ABCA13: variants seen among roughly 807,000 people sequenced by gnomAD.
ABCA13 encodes ATP binding cassette subfamily A member 13.
In ABCA13, 476 loss-of-function variants were observed where a neutral mutation model predicts 478.7. That is an observed-to-expected ratio of 0.99 (90% confidence interval 0.92 to 1.07). ABCA13 has a LOEUF of 1.07. ABCA13 is among the 50% of genes least tolerant of loss of function. ABCA13 has a pLI of 0.00. For missense variants in ABCA13, 6,060 were observed against 5,910.6 expected, an observed-to-expected ratio of 1.03 and a Z score of -0.83; for synonymous variants, 2,252 against 2,158.9, an observed-to-expected ratio of 1.04 and a Z score of -1.20.
chr7:48,589,671 T>C (rs912313556), intron 57 of ABCA13, among the ~76,000 whole-genome samples: 3 of 152,176 alleles, frequency 2.0e-5, no homozygotes, highest in Non-Finnish European at 4.4e-5. Context: ...TATAACAGAC[T>C]GGATAATTTA....
At chr7:48,492,487 A>G (rs1051383934) in intron 48 of ABCA13, among the ~76,000 whole-genome samples, 3 of 152,178 alleles carry the variant, frequency 2.0e-5, no homozygotes, top group Middle Eastern at 3.4e-3. Context: ...TTTCCCAGAC[A>G]CTGTGTTAGG....
intron 33 of ABCA13, among the ~76,000 whole-genome samples, chr7:48,373,257 C>T (rs989275172): frequency 2.6e-5 from 4 of 152,112 alleles, no homozygotes; most frequent in Admixed American, 6.5e-5. Context: ...ACCTAGATTA[C>T]GGGGCTGCTC....
intron 46 of ABCA13, among the ~76,000 whole-genome samples, chr7:48,481,542 T>G (rs1432750442): frequency 1.7e-5 from 2 of 120,610 alleles, no homozygotes; most frequent in Non-Finnish European, 3.6e-5. Context: ...CAGAAGCTGT[T>G]TTACTGCTTT....
chr7:48,317,213 G>A lies in ABCA13; in HGVS notation c.9916G>A (p.Val3306Met), dbSNP rs1194736308. Reference sequence around the variant, plus strand: ...TCTACAATTGCCAAATGGTGCTTTGGTGTGGACCTTCCTAAAACCCATATT... The same window carrying A: ...TCTACAATTGCCAAATGGTGCTTTGATGTGGACCTTCCTAAAACCCATATT... ...EILQLPNGAL[V>M]WTFLKPILHG... Residue 3306 changes from valine (V) to methionine (M), a missense_variant, in exon 27 of 62, where the codon GTG (valine) becomes ATG (methionine). Transcript: ENST00000435803. The A allele has an allele frequency of 8.7e-6, 14 of 1,613,476 alleles. No individual in the cohort carries two copies. Among genetic ancestry groups the A allele is most frequent in the Non-Finnish European group, 1.1e-5 (13 of 1,179,794 alleles).
chr7:48,446,529 C>T (rs1223561259), intron 42 of ABCA13, among the ~76,000 whole-genome samples: 4 of 152,072 alleles, frequency 2.6e-5, no homozygotes, highest in Non-Finnish European at 5.9e-5. Flanking sequence ...CTCTGTATTT[C>T]ATTTCTAATT....
At chr7:48,461,176 G>C (rs571241638) in intron 43 of ABCA13, among the ~76,000 whole-genome samples, 1 of 152,254 alleles carries the variant, frequency 6.6e-6, no homozygotes, top group South Asian at 2.1e-4. Context: ...GCTTTTGAGC[G>C]GGATGGAGAG....
chr7:48,217,793 T>C (rs984690783), intron 3 of ABCA13, among the ~76,000 whole-genome samples: 2 of 152,140 alleles, frequency 1.3e-5, no homozygotes, highest in Admixed American at 6.5e-5. Context: ...GCTGGGAAAG[T>C]TCAGTCATCT....
chr7:48,640,755 T>TATTA, intron 59 of ABCA13, among the ~76,000 whole-genome samples: 1 of 152,318 alleles, frequency 6.6e-6, no homozygotes, highest in South Asian at 2.1e-4. Context: ...GTCAAGCTAA[T>TATTA]ATTAATTAGA....
rs559011150 is a variant in ABCA13, at chr7:48,451,258, C to G, written c.12566-3779C>G. 3.2e-4 allele frequency among the ~76,000 whole-genome samples: 49 copies of G among 152,224 alleles called. 1 individual carries two copies. The South Asian group carries it at 9.3e-3, about 29-fold the overall frequency. ...GGTAATCTGCTCCACCTTGGCCTCC[C>G]AAAGTGCTGGGATTATAGGTGTGAG... On this transcript the variant is annotated intron_variant, in intron 42 of 61. Transcript: ENST00000435803.
At chr7:48,445,835 T>TA (rs1824225318) in intron 42 of ABCA13, among the ~76,000 whole-genome samples, 1 of 152,130 alleles carries the variant, frequency 6.6e-6, no homozygotes, top group Non-Finnish European at 1.5e-5. Flanking sequence ...AAACCTGGAA[T>TA]ATAGGTTTCT....
chr7:48,506,112 A>C (rs993509377), intron 48 of ABCA13, among the ~76,000 whole-genome samples: 1 of 152,214 alleles, frequency 6.6e-6, no homozygotes, highest in Non-Finnish European at 1.5e-5. Flanking sequence ...TGAACAATTC[A>C]TGCTGGTTAT....
chr7:48,491,894 G>A (rs1829873321), intron 48 of ABCA13, among the ~76,000 whole-genome samples: 1 of 152,154 alleles, frequency 6.6e-6, no homozygotes. Flanking sequence ...GAAAACAGAA[G>A]CTGTGTCTTG....
intron 42 of ABCA13, among the ~76,000 whole-genome samples, chr7:48,431,837 C>T (rs7357104): frequency 0.3 from 45,234 of 151,946 alleles, 6,814 homozygotes; most frequent in East Asian, 0.37. Context: ...TTTGTGAAAC[C>T]TTCTTAGGTT....
chr7:48,583,424 G>C (rs1396594050), intron 56 of ABCA13, among the ~76,000 whole-genome samples: 1 of 152,142 alleles, frequency 6.6e-6, no homozygotes, highest in African/African-American at 2.4e-5. Context: ...TGGCCATTAT[G>C]TGTGCTAGTG....
intron 3 of ABCA13, among the ~76,000 whole-genome samples, chr7:48,203,614 T>C (rs1235886835): frequency 6.9e-6 from 1 of 144,668 alleles, no homozygotes; most frequent in Admixed American, 6.8e-5. Context: ...TTCCCCTTCA[T>C]TTTAACAAGA....
intron 39 of ABCA13, among the ~76,000 whole-genome samples, chr7:48,407,902 G>A (rs1038390519): frequency 6.6e-6 from 1 of 152,094 alleles, no homozygotes; most frequent in Non-Finnish European, 1.5e-5. Flanking sequence ...GTATATGGGA[G>A]GATGTACTTA....
chr7:48,335,254 C>G (rs552368963), intron 27 of ABCA13, among the ~76,000 whole-genome samples, 168 bp from the exon 28 acceptor site: 1 of 152,166 alleles, frequency 6.6e-6, no homozygotes, highest in Non-Finnish European at 1.5e-5. Context: ...AGAGGACTCA[C>G]CTGTGATGTG....
intron 59 of ABCA13, among the ~76,000 whole-genome samples, chr7:48,622,773 A>G (rs1793268467): frequency 6.6e-6 from 1 of 152,202 alleles, no homozygotes; most frequent in South Asian, 2.1e-4. Flanking sequence ...TGCTTTATAC[A>G]CATGAATCAA....
At position 48,278,922 on chromosome 7, in the gene ABCA13, A is replaced by T. The variant is rs1222122798; in HGVS notation, c.7728A>T (p.Leu2576Phe). ...ATCTTGTGAAAGAAATAGCTACTTTAAAAAAAATAGATCATTTCACATTTG... is the reference window on the plus strand; with the variant it reads ...ATCTTGTGAAAGAAATAGCTACTTTTAAAAAAATAGATCATTTCACATTTG... ...VQNLVKEIAT[L>F]KKIDHFTFEK... Residue 2576 changes from leucine to phenylalanine, a missense_variant, in exon 18 of 62, where the codon TTA becomes TTT. Physicochemically the swap from Leu to Phe is conservative, Grantham distance 22 (BLOSUM62 0). This residue lies in a region of ABCA13 where 4,423 missense variants were observed against 4,309.1 expected (regional missense o/e 1.03). Transcript: ENST00000435803. 1.8e-5 allele frequency: 29 copies of T among 1,611,800 alleles called. No individual in the cohort carries two copies. Among genetic ancestry groups the T allele is most frequent in the Non-Finnish European group, 2.4e-5 (28 of 1,178,778 alleles).
Sources: gnomAD v4.1 joint callset for allele counts (sites outside exome capture counted in the v4.1 genomes callset) on GRCh38, gnomAD v4.1.1 for gene constraint, gnomAD v4.1.1 regional missense constraint, MANE v1.5 for transcripts, NCBI Gene and HGNC (gene_info 2026-07-23, HGNC 2026-07-21) for gene names.